Variants in PTPRB observed in about 807,000 individuals in gnomAD.
PTPRB encodes receptor-type tyrosine-protein phosphatase beta.
In PTPRB, 97 loss-of-function variants were observed where a neutral mutation model predicts 238.1. The ratio of observed to expected loss-of-function variants is 0.41; its 90% CI spans 0.35 to 0.48. The LOEUF (loss-of-function observed/expected upper bound fraction) is 0.48, where lower values mean the gene tolerates loss of function less well. Among genes scored for constraint, PTPRB ranks in the 20% least tolerant of loss-of-function variants. PTPRB has a pLI of 0.30. For synonymous variants in PTPRB, 970 were observed against 995.4 expected (o/e 0.97, Z 0.48); for missense variants, 2,292 against 2,681.9 (o/e 0.85, Z 3.21).
chr12:70,625,318 C>G (rs1885123278), intron 2 of PTPRB, among the ~76,000 whole-genome samples: 2 of 152,120 alleles, frequency 1.3e-5, no homozygotes, highest in African/African-American at 2.4e-5. Context: ...AATATTGAAG[C>G]CTTGGTCCTG....
At chr12:70,567,273 T>C (rs954627292) in intron 14 of PTPRB, among the ~76,000 whole-genome samples, 1 of 152,218 alleles carries the variant, frequency 6.6e-6, no homozygotes, top group Non-Finnish European at 1.5e-5. Flanking sequence ...TCTATGTCCA[T>C]GGTTTGAAGT....
At position 70,518,357 on chromosome 12, in the gene PTPRB, G is replaced by T. The variant is rs957999076; in HGVS notation, c.*3132C>A. ...CTAAGGCAGAATCGCTTGAACCTGGGAGGCGGAGGTTGTAGTGAGCTGAGA... is the reference window on the plus strand; with the variant it reads ...CTAAGGCAGAATCGCTTGAACCTGGTAGGCGGAGGTTGTAGTGAGCTGAGA... On this transcript the variant is annotated 3_prime_UTR_variant, in exon 34 of 34. Coordinates refer to ENST00000334414, the MANE Select transcript of PTPRB (RefSeq NM_001109754.4). 5 of 152,182 alleles carry T rather than the reference G, an allele frequency of 3.3e-5. No individual in the cohort carries two copies. The highest frequency in any genetic ancestry group is 1.2e-4 in the African/African-American group (5 of 41,430). The allele number at this position is 152,182 out of a possible 1,614,324, so 9.4% of individuals were successfully genotyped here.
intron 15 of PTPRB, among the ~76,000 whole-genome samples, chr12:70,563,691 C>T (rs1461417954): frequency 2.0e-5 from 3 of 152,294 alleles, no homozygotes; most frequent in Non-Finnish European, 4.4e-5. Context: ...GGTCCCTTCT[C>T]TCTGCAAGTC....
intron 2 of PTPRB, among the ~76,000 whole-genome samples, chr12:70,625,642 A>G (rs1307185001): frequency 6.6e-6 from 1 of 152,040 alleles, no homozygotes; most frequent in Non-Finnish European, 1.5e-5. Flanking sequence ...TTTGTTATCC[A>G]TGAATTCTTT....
intron 5 of PTPRB, among the ~76,000 whole-genome samples, 179 bp downstream of exon 5, chr12:70,595,870 C>T (rs1437807321): frequency 6.6e-6 from 1 of 152,126 alleles, no homozygotes; most frequent in Non-Finnish European, 1.5e-5. Flanking sequence ...AGCATAGCCA[C>T]GCATCCTATT....
At chr12:70,600,378 T>C (rs1406059403) in intron 4 of PTPRB, among the ~76,000 whole-genome samples, 1 of 152,186 alleles carries the variant, frequency 6.6e-6, no homozygotes, top group Non-Finnish European at 1.5e-5. Context: ...TCCTGTTTTC[T>C]CTCTATCACA....
chr12:70,533,479 C>CAG lies in PTPRB; in HGVS notation c.6368+1007_6368+1008dup, dbSNP rs59430616. On this transcript the variant is annotated intron_variant, in intron 31 of 33. Transcript: ENST00000334414. ...TTAATTTGCTAGATACCAGGCTCGC[C>CAG]AGAGAGAGAGAGATTTCACTTGTTA... Among the ~76,000 whole-genome samples, 347 of 151,990 alleles carry CAG rather than the reference C, an allele frequency of 2.3e-3. 3 individuals are homozygous for CAG. Among genetic ancestry groups the CAG allele is most frequent in the African/African-American group, 5.1e-3 (210 of 41,452 alleles).
At chr12:70,527,528 T>C (rs1359008450) in intron 32 of PTPRB, 1 of 135,900 alleles carries the variant, frequency 7.4e-6, no homozygotes, top group African/African-American at 2.8e-5. Context: ...AATGAGATGA[T>C]TGAGACTGTG....
In PTPRB at chr12:70,556,643, C is replaced by T. The variant is rs148093185; in HGVS notation, c.4715-495G>A. ...TTTCCCACAAATAAATGTTAGACAC[C>T]AACCACAGATCCAGGAAGCTCAGAA... On this transcript the variant is annotated intron_variant, in intron 18 of 33. Coordinates refer to ENST00000334414, the MANE Select transcript of PTPRB (RefSeq NM_001109754.4). Among the ~76,000 whole-genome samples, 24 of 152,126 alleles carry T rather than the reference C, an allele frequency of 1.6e-4. 1 individual carries two copies. Among genetic ancestry groups the T allele is most frequent in the Admixed American group, 6.5e-4 (10 of 15,288 alleles).
At chr12:70,607,868 C>T (rs906827573) in intron 4 of PTPRB, among the ~76,000 whole-genome samples, 2 of 152,084 alleles carry the variant, frequency 1.3e-5, no homozygotes, top group African/African-American at 4.8e-5. Context: ...CCACCAGATT[C>T]TTAACAAGCG....
At position 70,540,860 on chromosome 12, in the gene PTPRB, C is replaced by T. The variant is rs372526916; in HGVS notation, c.5592G>A (p.Val1864=). The change falls in exon 23 of 34, where the codon GTG becomes GTA. Residue 1864 remains valine, a splice_region_variant and synonymous_variant. Transcript: ENST00000334414. The part of the protein sequence containing the change: ...VVALLICRQK[V]SHGRERPSAR... ...ACCAAAAGGATCTTTGTACTTACCT[C>T]ACTTTCTGTCTGCAGATCAATAAGG... The T allele has an allele frequency of 4.4e-6, 7 of 1,594,714 alleles. No individual in the cohort carries two copies. Among genetic ancestry groups the T allele is most frequent in the African/African-American group, 1.3e-5 (1 of 74,634 alleles).
chr12:70,617,015 T>C (rs1884709897), intron 3 of PTPRB, among the ~76,000 whole-genome samples: 1 of 152,204 alleles, frequency 6.6e-6, no homozygotes, highest in African/African-American at 2.4e-5. Flanking sequence ...CAATAATGTA[T>C]TTTTCATTTG....
Position 70,565,050 on chromosome 12 carries a change from G to C in PTPRB, c.3904+1385C>G, listed in dbSNP as rs543194540. Among the ~76,000 whole-genome samples, 12 of 151,874 alleles carry C rather than the reference G, an allele frequency of 7.9e-5. No individual in the cohort carries two copies. In the East Asian group the frequency reaches 2.1e-3, roughly 27 times the overall value. ...TAGACTATAAACATAATGACCATGGGAGTTTTTTTATTCACTTCTGTATAT... is the reference window on the plus strand; with the variant it reads ...TAGACTATAAACATAATGACCATGGCAGTTTTTTTATTCACTTCTGTATAT... On this transcript the variant is annotated intron_variant, in intron 15 of 33. Transcript: ENST00000334414.
chr12:70,596,813 T>G (rs570093488), intron 4 of PTPRB, among the ~76,000 whole-genome samples: 3 of 152,306 alleles, frequency 2.0e-5, no homozygotes, highest in African/African-American at 7.2e-5. Context: ...TGGGTGGTTT[T>G]TAGATATTAG....
chr12:70,549,007 C>T (rs1876492918), intron 21 of PTPRB, among the ~76,000 whole-genome samples: 1 of 152,094 alleles, frequency 6.6e-6, no homozygotes, highest in Middle Eastern at 3.2e-3. Flanking sequence ...TCCTTATGTC[C>T]TTCAACATTT....
chr12:70,537,218 C>T lies in PTPRB; in HGVS notation c.5946+937G>A, dbSNP rs973283178. ...AGGAGAATGGCGTGAACCCGGGAGG[C>T]GGAGCTTGCAGTGAGCAGAGATCGC... On this transcript the variant is annotated intron_variant, in intron 28 of 33. Transcript: ENST00000334414. Among the ~76,000 whole-genome samples the T allele has an allele frequency of 3.6e-5, 5 of 137,204 alleles. No individual in the cohort carries two copies. In the South Asian group the frequency reaches 9.3e-4, roughly 26 times the overall value. The allele number at this position is 137,204 out of a possible 152,430, so 90.0% of individuals were successfully genotyped here.
At chr12:70,625,560 T>G (rs1426063554) in intron 2 of PTPRB, among the ~76,000 whole-genome samples, 1 of 152,134 alleles carries the variant, frequency 6.6e-6, no homozygotes, top group Admixed American at 6.6e-5. Context: ...AGTTTTTTTT[T>G]TTTTATCTCC....
At chr12:70,572,290 A>T (rs1280236636) in intron 11 of PTPRB, among the ~76,000 whole-genome samples, 1 of 152,208 alleles carries the variant, frequency 6.6e-6, no homozygotes, top group Non-Finnish European at 1.5e-5. Context: ...CTTTTAACAG[A>T]AGCTGATGAA....
chr12:70,564,975 C>T (rs1879096833), intron 15 of PTPRB, among the ~76,000 whole-genome samples: 1 of 151,960 alleles, frequency 6.6e-6, no homozygotes, highest in African/African-American at 2.4e-5. Flanking sequence ...TACCACCCAA[C>T]CTCCTACATC....
Sources: gnomAD v4.1 joint callset for allele counts (sites outside exome capture counted in the v4.1 genomes callset) on GRCh38, gnomAD v4.1.1 for gene constraint, MANE v1.5 for transcripts, NCBI Gene and HGNC (gene_info 2026-07-23, HGNC 2026-07-21) for gene names.